Variants in SV2C observed in about 807,000 individuals in gnomAD.
The protein encoded by SV2C is synaptic vesicle glycoprotein 2C, also known as solute carrier family 22 member B3.
In SV2C, 49 loss-of-function variants were observed where a neutral mutation model predicts 79.7. That is an observed-to-expected ratio of 0.61 (90% confidence interval 0.49 to 0.78). The LOEUF (loss-of-function observed/expected upper bound fraction) is 0.78, where lower values mean the gene tolerates loss of function less well. Ranked by LOEUF, SV2C falls within the 30% of genes least tolerant of loss-of-function variation. The probability of loss-of-function intolerance (pLI) is 0.00; values close to 1 mark genes in which losing one functional copy is unlikely to be tolerated. For missense variants in SV2C, 833 were observed against 912.9 expected, an observed-to-expected ratio of 0.91 and a Z score of 1.13; for synonymous variants, 334 against 333.2, an observed-to-expected ratio of 1.00 and a Z score of -0.03.
chr5:75,856,445 G>T, the SV2C span, among the ~76,000 whole-genome samples: 4 of 152,104 alleles, frequency 2.6e-5, no homozygotes, highest in African/African-American at 7.2e-5. Context: ...ATTTTCACCA[G>T]CATTTGTTAT....
chr5:75,857,987 T>C, the SV2C span, among the ~76,000 whole-genome samples: 1 of 152,218 alleles, frequency 6.6e-6, no homozygotes. Flanking sequence ...ATTTAATTAG[T>C]TCTAATAGTT....
chr5:75,928,565 G>A, the SV2C span, among the ~76,000 whole-genome samples: 2 of 152,086 alleles, frequency 1.3e-5, no homozygotes. Flanking sequence ...CATTTGCTTG[G>A]GAAATGATTA....
the SV2C span, among the ~76,000 whole-genome samples, chr5:75,916,421 C>T: frequency 6.8e-6 from 1 of 146,614 alleles, no homozygotes; most frequent in Admixed American, 6.8e-5. Flanking sequence ...TCCTCCACCT[C>T]CTCTTCTTCC....
the SV2C span, among the ~76,000 whole-genome samples, chr5:75,969,286 G>A: frequency 6.6e-6 from 1 of 152,106 alleles, no homozygotes; most frequent in South Asian, 2.1e-4. Context: ...AAAATAACTG[G>A]CTAACATCAT....
chr5:75,908,668 T>C, the SV2C span, among the ~76,000 whole-genome samples: 3 of 152,228 alleles, frequency 2.0e-5, no homozygotes. Context: ...AAATGCCCCC[T>C]GCCCTTCTTC....
the SV2C span, among the ~76,000 whole-genome samples, chr5:76,000,118 C>T: frequency 3.3e-5 from 5 of 152,228 alleles, no homozygotes; most frequent in Admixed American, 3.3e-4. Context: ...ACTGAGTCCA[C>T]CAATTCAAAT....
At chr5:75,853,071 T>G in the SV2C span, among the ~76,000 whole-genome samples, 1 of 152,164 alleles carries the variant, frequency 6.6e-6, no homozygotes, top group East Asian at 1.9e-4. Flanking sequence ...GATAGAAATA[T>G]ACATACTGTC....
In SV2C at chr5:76,133,234, C is replaced by A. The variant is rs1386073386; in HGVS notation, c.580+904C>A. On this transcript the variant is annotated intron_variant, in intron 2 of 12. Coordinates refer to ENST00000502798, the MANE Select transcript of SV2C (RefSeq NM_014979.4). The stretch of plus-strand genomic sequence containing the variant: ...GGATTTCCAAACTGCTTTTGCAAAT[C>A]CTGCCTCAGAGAACACGTTTATGTG... Among the ~76,000 whole-genome samples the A allele has an allele frequency of 3.3e-5, 5 of 152,256 alleles. No individual in the cohort carries two copies. In the South Asian group the frequency reaches 1.0e-3, roughly 32 times the overall value.
chr5:76,034,630 G>A, the SV2C span, among the ~76,000 whole-genome samples: 4 of 152,306 alleles, frequency 2.6e-5, no homozygotes, highest in Non-Finnish European at 5.9e-5. Flanking sequence ...GCTTTTCGAT[G>A]TGCTGCTGGA....
chr5:76,234,041 C>T (rs935348270), intron 4 of SV2C, among the ~76,000 whole-genome samples: 1 of 152,012 alleles, frequency 6.6e-6, no homozygotes, highest in Non-Finnish European at 1.5e-5. Flanking sequence ...TTTAGGGAGA[C>T]TTCTATGTAT....
At chr5:76,106,783 C>T (rs1747932141) in intron 1 of SV2C, among the ~76,000 whole-genome samples, 1 of 152,208 alleles carries the variant, frequency 6.6e-6, no homozygotes, top group Non-Finnish European at 1.5e-5. Context: ...CTATCCCCTC[C>T]CTACTCACAA....
chr5:76,173,552 A>G (rs1743399112), intron 2 of SV2C: 3 of 1,446,748 alleles, frequency 2.1e-6, no homozygotes, highest in Non-Finnish European at 2.9e-6. Context: ...TAGGTTTAAC[A>G]AAGTTGGAAT....
At chr5:76,009,693 G>A in the SV2C span, among the ~76,000 whole-genome samples, 1 of 152,116 alleles carries the variant, frequency 6.6e-6, no homozygotes, top group African/African-American at 2.4e-5. Flanking sequence ...CTTATAAGTG[G>A]GAACTAAACA....
the SV2C span, among the ~76,000 whole-genome samples, chr5:76,037,663 G>T: frequency 2.6e-5 from 4 of 152,286 alleles, no homozygotes; most frequent in Non-Finnish European, 4.4e-5. Context: ...GTCAGACAGG[G>T]ACATTTAAGT....
At chr5:76,220,394 G>A (rs570397271) in intron 4 of SV2C, among the ~76,000 whole-genome samples, 8 of 152,130 alleles carry the variant, frequency 5.3e-5, no homozygotes, top group Admixed American at 2.0e-4. Context: ...ATTGACAGCC[G>A]GGTGCAGTGG....
chr5:76,166,653 AT>A (rs1317493419), intron 2 of SV2C, among the ~76,000 whole-genome samples: 1 of 151,826 alleles, frequency 6.6e-6, no homozygotes, highest in African/African-American at 2.4e-5. Flanking sequence ...GCCTCAGAAA[AT>A]TTTTTATTGA....
At chr5:75,856,103 T>C in the SV2C span, among the ~76,000 whole-genome samples, 1 of 152,232 alleles carries the variant, frequency 6.6e-6, no homozygotes, top group Non-Finnish European at 1.5e-5. Context: ...TCCATCCATG[T>C]TGTTGCAAAT....
At chr5:76,189,924 C>T (rs1250615053) in intron 2 of SV2C, among the ~76,000 whole-genome samples, 1 of 152,154 alleles carries the variant, frequency 6.6e-6, no homozygotes, top group African/African-American at 2.4e-5. Context: ...TCCTTTCACA[C>T]TCAGATTTCA....
At chr5:76,169,533 T>C (rs760514465) in intron 2 of SV2C, among the ~76,000 whole-genome samples, 5 of 152,328 alleles carry the variant, frequency 3.3e-5, no homozygotes, top group South Asian at 2.1e-4. Context: ...TCAAAGAAGA[T>C]AGCATAAAAC....
Sources: gnomAD v4.1 joint callset for allele counts (sites outside exome capture counted in the v4.1 genomes callset) on GRCh38, gnomAD v4.1.1 for gene constraint, MANE v1.5 for transcripts, NCBI Gene and HGNC (gene_info 2026-07-23, HGNC 2026-07-21) for gene names.